The following NR3C2 variants were observed in gnomAD, a reference collection of about 807,000 sequenced individuals.
NR3C2 encodes nuclear receptor subfamily 3 group C member 2, also known as mineralocorticoid receptor.
A neutral mutation model predicts 86.4 loss-of-function variants in NR3C2; 15 were observed. The ratio of observed to expected loss-of-function variants is 0.17; its 90% confidence interval spans 0.12 to 0.27. The LOEUF (loss-of-function observed/expected upper bound fraction) is 0.27. Ranked by LOEUF, NR3C2 falls within the 10% of genes least tolerant of loss-of-function variation. NR3C2 has a pLI of 1.00. For synonymous variants in NR3C2, 458 were observed against 450.5 expected (o/e 1.02, Z -0.21); for missense variants, 960 against 1,195.6 (o/e 0.80, Z 2.91).
At chr4:148,363,265 C>A (rs1745931118) in intron 2 of NR3C2, among the ~76,000 whole-genome samples, 1 of 152,116 alleles carries the variant, frequency 6.6e-6, no homozygotes, top group Non-Finnish European at 1.5e-5. Flanking sequence ...CTCTTCAGGG[C>A]TGTTGGCGTT....
intron 3 of NR3C2, among the ~76,000 whole-genome samples, chr4:148,203,700 CG>C (rs1323097226): frequency 7.4e-6 from 1 of 135,334 alleles, no homozygotes; most frequent in East Asian, 2.5e-4. Flanking sequence ...TGAGTTAAGA[CG>C]GTGTCCAACA....
At chr4:148,241,337 G>GAAAAAAAAAAAA (rs1483518616) in intron 3 of NR3C2, among the ~76,000 whole-genome samples, 3 of 100,660 alleles carry the variant, frequency 3.0e-5, no homozygotes, top group Non-Finnish European at 5.7e-5. Flanking sequence ...AAAAAAAGGG[G>GAAAAAAAAAAAA]AAAAATAAAA....
chr4:148,332,684 G>C (rs1475159030), intron 2 of NR3C2, among the ~76,000 whole-genome samples: 1 of 152,166 alleles, frequency 6.6e-6, no homozygotes, highest in Non-Finnish European at 1.5e-5. Flanking sequence ...TGTAACCTTA[G>C]AGCCTTGCCT....
At chr4:148,215,925 G>A (rs1390228642) in intron 3 of NR3C2, among the ~76,000 whole-genome samples, 2 of 151,708 alleles carry the variant, frequency 1.3e-5, no homozygotes, top group Non-Finnish European at 2.9e-5. Context: ...GACTATAGGC[G>A]CCCACCACCA....
intron 2 of NR3C2, among the ~76,000 whole-genome samples, chr4:148,421,509 C>T (rs1430380904): frequency 6.6e-6 from 1 of 152,160 alleles, no homozygotes; most frequent in African/African-American, 2.4e-5. Context: ...TCACAACATT[C>T]TAAGAATAAG....
rs56388064 is a variant in NR3C2, at chr4:148,233,366, G to GTTTTTTTT, written c.1897+26604_1897+26611dup. 8.7e-3 allele frequency among the ~76,000 whole-genome samples: 1,246 copies of GTTTTTTTT among 142,760 alleles called. 31 individuals are homozygous for GTTTTTTTT. Among genetic ancestry groups the GTTTTTTTT allele is most frequent in the African/African-American group, 0.027 (1,048 of 38,408 alleles). The allele number at this position is 142,760 out of a possible 152,430, so 93.7% of individuals were successfully genotyped here. ...TTATTAATAGGAATAATTTCTTTAG[G>GTTTTTTTT]TTTTTTTTTTTGAAGCAGGGTCTCA... On this transcript the variant is annotated intron_variant, in intron 3 of 8. Coordinates refer to ENST00000358102, the MANE Select transcript of NR3C2 (RefSeq NM_000901.5).
At chr4:148,275,847 C>A (rs974001929) in intron 2 of NR3C2, among the ~76,000 whole-genome samples, 2 of 152,088 alleles carry the variant, frequency 1.3e-5, no homozygotes, top group African/African-American at 4.8e-5. Context: ...CAGGGGACAT[C>A]AAGCGATTTT....
At chr4:148,092,419 C>T (rs960670394) in intron 8 of NR3C2, among the ~76,000 whole-genome samples, 1 of 152,104 alleles carries the variant, frequency 6.6e-6, no homozygotes, top group Non-Finnish European at 1.5e-5. Context: ...CCCCACGGCT[C>T]CCAGAAGTGG....
At chr4:148,248,852 T>C (rs1224891463) in intron 3 of NR3C2, among the ~76,000 whole-genome samples, 1 of 152,218 alleles carries the variant, frequency 6.6e-6, no homozygotes, top group Non-Finnish European at 1.5e-5. Context: ...AGAAAAACTC[T>C]TTAAAATATA....
At chr4:148,438,117 G>A (rs986549144) in intron 1 of NR3C2, among the ~76,000 whole-genome samples, 19 of 152,260 alleles carry the variant, frequency 1.2e-4, no homozygotes, top group Admixed American at 5.2e-4. Flanking sequence ...CAATTTGATC[G>A]CAAGTCTCTC....
rs1414328296 is a variant in NR3C2, at chr4:148,363,502, A to AT, written c.1757+71601dup. Among the ~76,000 whole-genome samples, 2 of 16,226 alleles carry AT rather than the reference A, an allele frequency of 1.2e-4. 1 individual carries two copies. Among genetic ancestry groups the AT allele is most frequent in the Non-Finnish European group, 2.6e-4 (2 of 7,670 alleles). The allele number at this position is 16,226 out of a possible 152,430, so 10.6% of individuals were successfully genotyped here. On this transcript the variant is annotated intron_variant, in intron 2 of 8. Coordinates refer to ENST00000358102, the MANE Select transcript of NR3C2 (RefSeq NM_000901.5). ...CCATTAAAGTCTAGACTTCTCATAG[A>AT]TCTCTTTTTTTTTTTTTTTGAGACG...
intron 2 of NR3C2, among the ~76,000 whole-genome samples, chr4:148,333,295 G>A (rs1016885848): frequency 4.6e-5 from 7 of 152,026 alleles, no homozygotes; most frequent in Non-Finnish European, 8.8e-5. Flanking sequence ...ACCTTTCTAT[G>A]TTATGAAAAA....
chr4:148,253,905 A>G (rs985880370), intron 3 of NR3C2, among the ~76,000 whole-genome samples: 1 of 152,090 alleles, frequency 6.6e-6, no homozygotes, highest in Non-Finnish European at 1.5e-5. Flanking sequence ...GTATTGAGTA[A>G]ATGTTTGCTG....
intron 8 of NR3C2, among the ~76,000 whole-genome samples, chr4:148,093,407 T>C (rs921921174): frequency 3.9e-5 from 6 of 152,154 alleles, no homozygotes; most frequent in African/African-American, 1.4e-4. Flanking sequence ...GTCACTTAAG[T>C]GGTGATGAAG....
chr4:148,379,596 C>G (rs983250467), intron 2 of NR3C2, among the ~76,000 whole-genome samples: 3 of 152,094 alleles, frequency 2.0e-5, no homozygotes, highest in African/African-American at 7.2e-5. Context: ...AGCTTCTATT[C>G]AGAAACAGGA....
At chr4:148,138,957 G>A (rs1403112732) in intron 6 of NR3C2, among the ~76,000 whole-genome samples, 2 of 152,070 alleles carry the variant, frequency 1.3e-5, no homozygotes, top group African/African-American at 2.4e-5. Flanking sequence ...TTTCTTTCTC[G>A]CCCTTCTGCC....
At chr4:148,357,130 T>C (rs923265442) in intron 2 of NR3C2, among the ~76,000 whole-genome samples, 2 of 152,086 alleles carry the variant, frequency 1.3e-5, no homozygotes, top group African/African-American at 2.4e-5. Flanking sequence ...ATGGAAGGAA[T>C]AGTGGGGTGT....
At chr4:148,114,825 C>A (rs1417945496) in intron 7 of NR3C2, among the ~76,000 whole-genome samples, 3 of 152,150 alleles carry the variant, frequency 2.0e-5, no homozygotes, top group Non-Finnish European at 4.4e-5. Context: ...TTCTCAAGTT[C>A]AGATATTAAA....
At chr4:148,228,762 T>C (rs369240738) in intron 3 of NR3C2, among the ~76,000 whole-genome samples, 21 of 152,300 alleles carry the variant, frequency 1.4e-4, no homozygotes, top group African/African-American at 4.3e-4. Flanking sequence ...TTTGAGTATC[T>C]ATTGTTTAAA....
Sources: allele counts gnomAD v4.1 joint callset (sites outside exome capture counted in the v4.1 genomes callset), GRCh38; gene constraint gnomAD v4.1.1; transcripts MANE v1.5; gene names NCBI Gene and HGNC (gene_info 2026-07-23, HGNC 2026-07-21).